SACM1L: variants seen among roughly 807,000 people sequenced by gnomAD.
The protein encoded by SACM1L is phosphatidylinositol-3-phosphatase SAC1.
A neutral mutation model predicts 89.5 loss-of-function variants in SACM1L; 32 were observed. The observed-to-expected ratio is 0.36, with a 90% CI of 0.27 to 0.48. SACM1L has a LOEUF of 0.48. Ranked by LOEUF, SACM1L falls within the 20% of genes least tolerant of loss-of-function variation. The probability of loss-of-function intolerance (pLI) is 0.99; values close to 1 mark genes in which losing one functional copy is unlikely to be tolerated. For synonymous variants in SACM1L, 213 were observed against 232.8 expected (o/e 0.92, Z 0.77); for missense variants, 543 against 708.5 (o/e 0.77, Z 2.65).
chr3:45,693,190 A>C (rs1698038893), intron 1 of SACM1L, among the ~76,000 whole-genome samples: 1 of 152,202 alleles, frequency 6.6e-6, no homozygotes, highest in Admixed American at 6.5e-5. Flanking sequence ...ACGGTATTAT[A>C]AGCTTATAGG....
intron 1 of SACM1L, among the ~76,000 whole-genome samples, chr3:45,699,067 G>A (rs926640618): frequency 6.6e-6 from 1 of 152,038 alleles, no homozygotes; most frequent in Non-Finnish European, 1.5e-5. Flanking sequence ...CTCTGCGCCT[G>A]GCCTGTAATA....
At chr3:45,710,285 C>G (rs1698494882) in intron 5 of SACM1L, among the ~76,000 whole-genome samples, 1 of 151,572 alleles carries the variant, frequency 6.6e-6, no homozygotes, top group Admixed American at 6.6e-5. Flanking sequence ...ACTGCAACCT[C>G]TGCCTCCTGG....
intron 1 of SACM1L, among the ~76,000 whole-genome samples, chr3:45,695,997 C>CTTTTTTTT (rs56074379): frequency 7.4e-6 from 1 of 134,232 alleles, no homozygotes; most frequent in Non-Finnish European, 1.6e-5. Flanking sequence ...TCAGAATTTC[C>CTTTTTTTT]TTTTTTTTTT....
intron 5 of SACM1L, 99 bp downstream of exon 5, chr3:45,709,746 C>A: frequency 1.8e-6 from 2 of 1,093,576 alleles, no homozygotes; most frequent in Non-Finnish European, 2.6e-6. Flanking sequence ...TCAGTCCTGG[C>A]TATCTTAGAA....
chr3:45,732,026 GT>G (rs747234037), intron 12 of SACM1L, 26 bp from the exon 13 acceptor site: 6 of 1,370,292 alleles, frequency 4.4e-6, no homozygotes, highest in Non-Finnish European at 1.0e-6. Context: ...TCTCTGGTCG[GT>G]TTCTGAATAT....
intron 14 of SACM1L, chr3:45,737,153 G>A: frequency 5.9e-6 from 1 of 168,096 alleles, no homozygotes; most frequent in South Asian, 1.7e-4. Flanking sequence ...ATTCTTAAAG[G>A]TCCCTGGGAC....
At chr3:45,724,298 G>GGTGTGTGTGT (rs61075879) in intron 11 of SACM1L, among the ~76,000 whole-genome samples, 2,075 of 139,768 alleles carry the variant, frequency 0.015, 18 homozygotes, top group East Asian at 0.054. Context: ...GTTGTTTTCT[G>GGTGTGTGTGT]GTGTGTGTGT....
rs751269825 is a variant in SACM1L at position 45,705,160 on chromosome 3, T to C, written c.156T>C (p.Ala52=). The change falls in exon 3 of 20, where the codon GCT becomes GCC. Residue 52 remains alanine, a synonymous_variant. Coordinates refer to ENST00000389061, the MANE Select transcript of SACM1L (RefSeq NM_014016.5). ...LAVKKDVPPS[A]VTRPIFGILG... ...TCAAGAAAGATGTTCCTCCTTCAGC[T>C]GTCACAAGACCAATATTTGGTATAC... 3.7e-6 allele frequency: 6 copies of C among 1,611,086 alleles called. No individual in the cohort carries two copies. In the East Asian group the frequency reaches 1.3e-4, roughly 36 times the overall value.
chr3:45,691,639 G>A (rs1697992588), intron 1 of SACM1L, among the ~76,000 whole-genome samples: 1 of 151,342 alleles, frequency 6.6e-6, no homozygotes, highest in African/African-American at 2.4e-5. Flanking sequence ...TAAAGAGATG[G>A]GGTCTCATTC....
Position 45,743,768 on chromosome 3 carries a change from A to T in SACM1L, c.*99A>T. ...TCCACATCAGCCCAAGGTCTTTTTA[A>T]TGCCTTTATCCAAAAGCACATCTTG... On this transcript the variant is annotated 3_prime_UTR_variant, in exon 20 of 20. Transcript: ENST00000389061. The T allele has an allele frequency of 4.6e-6, 6 of 1,313,374 alleles. No homozygotes were observed. In the South Asian group the frequency reaches 8.9e-5, roughly 20 times the overall value. 81.4% of individuals were successfully genotyped at this position (1,313,374 alleles called of 1,614,324 possible).
At chr3:45,706,027 A>G (rs770538623) in intron 3 of SACM1L, among the ~76,000 whole-genome samples, 1 of 152,228 alleles carries the variant, frequency 6.6e-6, no homozygotes, top group Non-Finnish European at 1.5e-5. Context: ...TTTGCCCTGC[A>G]GTTCACAGTC....
chr3:45,706,445 G>A (rs1698396110), intron 3 of SACM1L, among the ~76,000 whole-genome samples: 1 of 152,232 alleles, frequency 6.6e-6, no homozygotes, highest in Non-Finnish European at 1.5e-5. Context: ...GAAATGATTA[G>A]CAGAGGTCTG....
intron 1 of SACM1L, 101 bp downstream of exon 1, chr3:45,689,598 T>C: frequency 7.5e-7 from 1 of 1,337,870 alleles, no homozygotes. Context: ...GCAGATAGGG[T>C]GTGGGAGCTC....
chr3:45,738,475 A>T, intron 16 of SACM1L, 103 bp from the exon 17 acceptor site: 1 of 654,860 alleles, frequency 1.5e-6, no homozygotes. Flanking sequence ...AGTTTTTAAA[A>T]TCTGTCACTC....
chr3:45,706,917 G>T lies in SACM1L; in HGVS notation c.333+10G>T. 6.2e-7 allele frequency: 1 copy of T among 1,612,432 alleles called. No individual in the cohort carries two copies. The highest frequency in any genetic ancestry group is 8.5e-7 in the Non-Finnish European group (1 of 1,179,140). On this transcript the variant is annotated intron_variant, in intron 4 of 19. Coordinates refer to ENST00000389061, the MANE Select transcript of SACM1L (RefSeq NM_014016.5). Reference sequence around the variant, plus strand: ...CTTAACTGATATTCAGGTAAGAACTGGAAATTGTTACTAATTGCAGCGCCC... The same window carrying T: ...CTTAACTGATATTCAGGTAAGAACTTGAAATTGTTACTAATTGCAGCGCCC...
chr3:45,734,589 G>C (rs1253205164), intron 13 of SACM1L: 1 of 152,030 alleles, frequency 6.6e-6, no homozygotes, highest in African/African-American at 2.4e-5. Context: ...TCTGACTACA[G>C]GTAGGCACCA....
intron 16 of SACM1L, among the ~76,000 whole-genome samples, chr3:45,738,119 G>A (rs1168207189): frequency 6.6e-6 from 1 of 152,226 alleles, no homozygotes; most frequent in Non-Finnish European, 1.5e-5. Context: ...TGAAGCACCA[G>A]TCTTGAGATG....
intron 1 of SACM1L, chr3:45,689,832 G>A: frequency 2.1e-6 from 1 of 485,630 alleles, no homozygotes; most frequent in Non-Finnish European, 3.7e-6. Context: ...CAGAGCTACC[G>A]ACTAAATTTA....
intron 13 of SACM1L, chr3:45,734,628 A>AGAGGCAGGGACTCGTTATGTTGTC (rs1198575645): frequency 4.6e-5 from 7 of 152,010 alleles, no homozygotes; most frequent in African/African-American, 1.5e-4. Flanking sequence ...TTGTTCTTTT[A>AGAGGCAGGGACTCGTTATGTTGTC]GAGGCAGGGA....
Sources: allele counts gnomAD v4.1 joint callset (sites outside exome capture counted in the v4.1 genomes callset), GRCh38; gene constraint gnomAD v4.1.1; transcripts MANE v1.5; gene names NCBI Gene and HGNC (gene_info 2026-07-23, HGNC 2026-07-21).